The following RASSF6 variants were observed in gnomAD, a reference collection of about 807,000 sequenced individuals.
The protein encoded by RASSF6 is Ras association domain family member 6.
RASSF6 carries 52 observed loss-of-function variants against 44.0 expected under a neutral mutation model. The ratio of observed to expected loss-of-function variants is 1.18; its 90% CI spans 0.95 to 1.49. RASSF6 has a LOEUF of 1.49. RASSF6 is among the 40% of genes most tolerant of loss of function. The pLI is 0.00. For missense variants in RASSF6, 464 were observed against 393.3 expected (o/e 1.18, Z -1.52); for synonymous variants, 162 against 124.6 (o/e 1.30, Z -2.00).
chr4:73,614,736 G>T (rs1169065496), intron 1 of RASSF6, among the ~76,000 whole-genome samples: 1 of 152,208 alleles, frequency 6.6e-6, no homozygotes, highest in Non-Finnish European at 1.5e-5. Flanking sequence ...GTAACTCATA[G>T]CCAGCTTCAG....
At chr4:73,588,911 A>T (rs1161359888) in intron 4 of RASSF6, among the ~76,000 whole-genome samples, 3 of 151,968 alleles carry the variant, frequency 2.0e-5, no homozygotes, top group Non-Finnish European at 1.5e-5. Context: ...GGTTGCTATT[A>T]TCTAAGAATC....
intron 3 of RASSF6, 109 bp downstream of exon 3, chr4:73,598,531 C>A: frequency 1.7e-6 from 1 of 591,518 alleles, no homozygotes; most frequent in South Asian, 2.3e-5. Context: ...CTAAAAGAAT[C>A]ATAATCAAGT....
At chr4:73,600,849 C>T (rs1725237898) in intron 2 of RASSF6, among the ~76,000 whole-genome samples, 2 of 152,070 alleles carry the variant, frequency 1.3e-5, no homozygotes, top group Non-Finnish European at 2.9e-5. Context: ...TTTTGTTCTC[C>T]TGGGGTCATT....
At chr4:73,593,090 A>G (rs1242739750) in intron 4 of RASSF6, among the ~76,000 whole-genome samples, 9 of 149,048 alleles carry the variant, frequency 6.0e-5, no homozygotes, top group East Asian at 3.9e-4. Context: ...ATCTCGGCTC[A>G]CTGCAAACTC....
At chr4:73,601,439 C>A (rs1339654560) in intron 2 of RASSF6, among the ~76,000 whole-genome samples, 2 of 152,188 alleles carry the variant, frequency 1.3e-5, no homozygotes, top group Non-Finnish European at 2.9e-5. Context: ...ATCTGTAATC[C>A]ACTGTGTAAT....
intron 5 of RASSF6, among the ~76,000 whole-genome samples, chr4:73,585,893 T>A (rs975532843): frequency 6.6e-6 from 1 of 151,488 alleles, no homozygotes; most frequent in Non-Finnish European, 1.5e-5. Flanking sequence ...GCAGGTTAGT[T>A]ACATATGTAT....
At chr4:73,579,955 C>T (rs1204182649) in intron 8 of RASSF6, among the ~76,000 whole-genome samples, 1 of 151,460 alleles carries the variant, frequency 6.6e-6, no homozygotes, top group Non-Finnish European at 1.5e-5. Flanking sequence ...ATGTGCCATG[C>T]TGGTGTGCTG....
chr4:73,613,502 C>T (rs1047245263), intron 1 of RASSF6, among the ~76,000 whole-genome samples: 1 of 152,052 alleles, frequency 6.6e-6, no homozygotes, highest in African/African-American at 2.4e-5. Context: ...TATTAATGTC[C>T]CCGACTGAAA....
intron 1 of RASSF6, among the ~76,000 whole-genome samples, chr4:73,617,648 A>G (rs926687853): frequency 6.6e-6 from 1 of 152,228 alleles, no homozygotes; most frequent in Non-Finnish European, 1.5e-5. Context: ...TTAAGTTAAC[A>G]TCCTTATTAC....
chr4:73,594,747 AT>A (rs1724816128), intron 3 of RASSF6, among the ~76,000 whole-genome samples: 2 of 152,228 alleles, frequency 1.3e-5, no homozygotes, highest in African/African-American at 4.8e-5. Flanking sequence ...AACACAATTT[AT>A]TCCTTGAAAT....
At chr4:73,585,681 CAG>C (rs1284243661) in intron 5 of RASSF6, among the ~76,000 whole-genome samples, 5 of 151,816 alleles carry the variant, frequency 3.3e-5, no homozygotes, top group Admixed American at 6.6e-5. Flanking sequence ...TGTGGCATTT[CAG>C]AGTGTTAGAG....
At chr4:73,615,961 T>C (rs1726327038) in intron 1 of RASSF6, 2 of 1,545,080 alleles carry the variant, frequency 1.3e-6, no homozygotes, top group Non-Finnish European at 1.8e-6. Flanking sequence ...ATCAAATGGG[T>C]CAGTCATTTA....
At chr4:73,579,364 A>G (rs2149363580) in intron 8 of RASSF6, among the ~76,000 whole-genome samples, 1 of 152,358 alleles carries the variant, frequency 6.6e-6, no homozygotes, top group East Asian at 1.9e-4. Flanking sequence ...TTGCAAGAAT[A>G]AATTCCAATA....
At chr4:73,594,493 T>C (rs763000285) in intron 3 of RASSF6, among the ~76,000 whole-genome samples, 64 of 152,346 alleles carry the variant, frequency 4.2e-4, no homozygotes, top group South Asian at 8.3e-4. Flanking sequence ...GTTGTGGCCT[T>C]GGACAAGTCA....
chr4:73,604,884 C>CTTTTTTTTTTTTTTTTTTTTTT (rs35609056), intron 2 of RASSF6, among the ~76,000 whole-genome samples: 4 of 138,332 alleles, frequency 2.9e-5, no homozygotes, highest in Non-Finnish European at 3.1e-5. Flanking sequence ...CATTTTCTTT[C>CTTTTTTTTTTTTTTTTTTTTTT]TTTTTTTTTT....
chr4:73,595,085 T>C (rs565741305), intron 3 of RASSF6, among the ~76,000 whole-genome samples: 1 of 152,360 alleles, frequency 6.6e-6, no homozygotes, highest in African/African-American at 2.4e-5. Context: ...TATGACTTTA[T>C]TGATCAGTGT....
intron 1 of RASSF6, among the ~76,000 whole-genome samples, chr4:73,619,563 T>C (rs766837530): frequency 3.3e-5 from 5 of 152,196 alleles, no homozygotes; most frequent in Non-Finnish European, 7.3e-5. Context: ...TCAGTTCCCA[T>C]CAAAGAAAGC....
At chr4:73,585,117 G>C in intron 6 of RASSF6, 63 bp downstream of exon 6, 1 of 1,141,398 alleles carries the variant, frequency 8.8e-7, no homozygotes, top group Non-Finnish European at 1.2e-6. Context: ...GAATTGGGTG[G>C]TATTGTTAGT....
chr4:73,593,689 C>A, intron 3 of RASSF6, 96 bp from the exon 4 acceptor site: 103 of 862,250 alleles, frequency 1.2e-4, no homozygotes, highest in Non-Finnish European at 1.4e-4. Flanking sequence ...CGTAAGAAAC[C>A]TAAATAGATT....
Sources: allele counts gnomAD v4.1 joint callset (sites outside exome capture counted in the v4.1 genomes callset), GRCh38; gene constraint gnomAD v4.1.1; transcripts MANE v1.5; gene names NCBI Gene and HGNC (gene_info 2026-07-23, HGNC 2026-07-21).